Variants in ROR2 observed in about 807,000 individuals in gnomAD.
ROR2 encodes ROR family WNT receptor 2, also known as tyrosine-protein kinase transmembrane receptor ROR2.
A neutral mutation model predicts 74.9 loss-of-function variants in ROR2; 33 were observed. The observed-to-expected ratio is 0.44, with a 90% confidence interval of 0.33 to 0.59. The LOEUF (loss-of-function observed/expected upper bound fraction) is 0.59. Ranked by LOEUF, ROR2 falls within the 20% of genes least tolerant of loss-of-function variation. The pLI is 0.02. For missense variants in ROR2, 1,216 were observed against 1,313.8 expected, an observed-to-expected ratio of 0.93 and a Z score of 1.15; for synonymous variants, 586 against 558.7, an observed-to-expected ratio of 1.05 and a Z score of -0.69.
chr9:91,812,101 T>C (rs1827770219), intron 1 of ROR2, among the ~76,000 whole-genome samples: 1 of 151,462 alleles, frequency 6.6e-6, no homozygotes, highest in African/African-American at 2.4e-5. Flanking sequence ...TAAGAAAGTG[T>C]AAGAATTTGT....
At chr9:91,913,716 T>TA (rs1409008963) in intron 1 of ROR2, among the ~76,000 whole-genome samples, 1 of 152,190 alleles carries the variant, frequency 6.6e-6, no homozygotes, top group Non-Finnish European at 1.5e-5. Flanking sequence ...CTTGACAGTT[T>TA]AAAAAATCTG....
chr9:91,844,005 C>T (rs539564864), intron 1 of ROR2, among the ~76,000 whole-genome samples: 1 of 152,240 alleles, frequency 6.6e-6, no homozygotes, highest in Non-Finnish European at 1.5e-5. Flanking sequence ...CTGGCACTAA[C>T]GGCCGTCCCC....
At chr9:91,784,369 A>G (rs1219892783) in intron 1 of ROR2, among the ~76,000 whole-genome samples, 1 of 152,254 alleles carries the variant, frequency 6.6e-6, no homozygotes, top group Non-Finnish European at 1.5e-5. Context: ...CAGCAGCCAC[A>G]GGAAGCCTCT....
chr9:91,941,292 C>T (rs987789518), intron 1 of ROR2, among the ~76,000 whole-genome samples: 8 of 152,146 alleles, frequency 5.3e-5, no homozygotes, highest in Non-Finnish European at 1.2e-4. Flanking sequence ...CCACCGTGCC[C>T]GGCCTTAATT....
At chr9:91,919,269 T>C (rs1202761892) in intron 1 of ROR2, among the ~76,000 whole-genome samples, 1 of 152,254 alleles carries the variant, frequency 6.6e-6, no homozygotes, top group East Asian at 1.9e-4. Flanking sequence ...AAACAGTTGA[T>C]GCTCAGGCAA....
At position 91,757,407 on chromosome 9, in the gene ROR2, T is replaced by C. The variant is rs1235297607; in HGVS notation, c.328A>G (p.Ile110Val). The C allele has an allele frequency of 1.2e-6, 2 of 1,614,018 alleles. No individual in the cohort carries two copies. Among genetic ancestry groups the C allele is most frequent in the South Asian group, 1.1e-5 (1 of 91,052 alleles). Residue 110 changes from isoleucine (I) to valine (V), a missense_variant, in exon 3 of 9, where the codon ATC becomes GTC. Ile to Val is a conservative substitution (Grantham distance 29). Coordinates refer to ENST00000375708, the MANE Select transcript of ROR2 (RefSeq NM_004560.4). ...GAACCATATTCTGTCTTCCGGATGA[T>C]GATCCGCCGCGGCTCCTGCACCACC... ...APVVQEPRRIIIRKTEYGSRL... is the reference protein window; with the variant it reads ...APVVQEPRRIVIRKTEYGSRL...
intron 1 of ROR2, among the ~76,000 whole-genome samples, chr9:91,795,618 T>C (rs1827143413): frequency 6.6e-6 from 1 of 152,218 alleles, no homozygotes; most frequent in Non-Finnish European, 1.5e-5. Flanking sequence ...TTTTCCCTAA[T>C]TGAGACTCAT....
At chr9:91,908,708 A>T (rs1042489945) in intron 1 of ROR2, among the ~76,000 whole-genome samples, 6 of 152,264 alleles carry the variant, frequency 3.9e-5, no homozygotes, top group African/African-American at 1.4e-4. Context: ...AATAAAATTA[A>T]TAACATATTT....
intron 1 of ROR2, among the ~76,000 whole-genome samples, chr9:91,920,336 T>G (rs1008919608): frequency 6.6e-6 from 1 of 152,088 alleles, no homozygotes; most frequent in African/African-American, 2.4e-5. Context: ...CGAGACACTA[T>G]CTCTACAAAA....
chr9:91,946,269 T>TTGG (rs150246362), intron 1 of ROR2, among the ~76,000 whole-genome samples: 4,029 of 152,292 alleles, frequency 0.026, 183 homozygotes, highest in African/African-American at 0.091. Flanking sequence ...TATTCTCCAC[T>TTGG]TGGTGGTCAC....
chr9:91,856,067 T>A (rs1194709159), intron 1 of ROR2, among the ~76,000 whole-genome samples: 3 of 152,214 alleles, frequency 2.0e-5, no homozygotes, highest in Admixed American at 6.5e-5. Flanking sequence ...GAATTGTCCT[T>A]GTAACCCATA....
Position 91,724,488 on chromosome 9 carries a change from A to ACATGT in ROR2, c.2005_2006insACATG (p.Phe669TyrfsTer38). Reference sequence around the variant, plus strand: ...GGACCAGATGTCTGAGTCGATGGAGAACTTGCCGTACATGATGGCCTCTGG... The same window carrying ACATGT: ...GGACCAGATGTCTGAGTCGATGGAGACATGTACTTGCCGTACATGATGGCCTCTGG... On this transcript the variant is annotated frameshift_variant, in exon 9 of 9. Transcript: ENST00000375708. LOFTEE classifies it high-confidence loss of function. The ACATGT allele has an allele frequency of 6.2e-7, 1 of 1,614,174 alleles. No homozygotes were observed. Among genetic ancestry groups the ACATGT allele is most frequent in the Non-Finnish European group, 8.5e-7 (1 of 1,180,020 alleles).
At chr9:91,900,191 C>T (rs960880950) in intron 1 of ROR2, among the ~76,000 whole-genome samples, 4 of 152,152 alleles carry the variant, frequency 2.6e-5, no homozygotes, top group Admixed American at 2.0e-4. Flanking sequence ...GCTCAGGATG[C>T]AGCGGGTCCC....
intron 1 of ROR2, among the ~76,000 whole-genome samples, chr9:91,942,527 A>G (rs1162335940): frequency 1.3e-5 from 2 of 151,930 alleles, no homozygotes; most frequent in South Asian, 2.1e-4. Context: ...CTCGCCTCCC[A>G]TTTATCAGTT....
At chr9:91,843,683 G>A (rs1010681483) in intron 1 of ROR2, among the ~76,000 whole-genome samples, 1 of 152,240 alleles carries the variant, frequency 6.6e-6, no homozygotes, top group Non-Finnish European at 1.5e-5. Context: ...GATGTCTGCA[G>A]GTGATAAATC....
intron 1 of ROR2, among the ~76,000 whole-genome samples, chr9:91,835,088 A>ACCCCTGCAGACACAG (rs374208934): frequency 0.019 from 2,848 of 151,508 alleles, 106 homozygotes; most frequent in African/African-American, 0.065. Context: ...GCCTAAAGAG[A>ACCCCTGCAGACACAG]CCCCTGCAGA....
chr9:91,915,657 G>C (rs184134918), intron 1 of ROR2, among the ~76,000 whole-genome samples: 56 of 150,674 alleles, frequency 3.7e-4, no homozygotes, highest in African/African-American at 8.5e-4. Flanking sequence ...GTGGGGGGCG[G>C]GGGGAGGTGG....
At chr9:91,820,315 G>A (rs373754881) in intron 1 of ROR2, among the ~76,000 whole-genome samples, 1 of 152,274 alleles carries the variant, frequency 6.6e-6, no homozygotes, top group East Asian at 1.9e-4. Context: ...ACGGCAGGAT[G>A]CCCTCTACAA....
intron 4 of ROR2, among the ~76,000 whole-genome samples, chr9:91,747,364 C>A (rs1158855391): frequency 6.6e-6 from 1 of 152,214 alleles, no homozygotes; most frequent in Non-Finnish European, 1.5e-5. Flanking sequence ...CACATCACAG[C>A]GCTCACGCGT....
Sources: gnomAD v4.1 joint callset for allele counts (sites outside exome capture counted in the v4.1 genomes callset) on GRCh38, gnomAD v4.1.1 for gene constraint, MANE v1.5 for transcripts, NCBI Gene and HGNC (gene_info 2026-07-23, HGNC 2026-07-21) for gene names.